CLEC2A: variants seen among roughly 807,000 people sequenced by gnomAD.
CLEC2A encodes the protein C-type lectin domain family 2 member A.
Under a neutral mutation model 18.6 loss-of-function variants are expected in CLEC2A, and 19 were observed. The ratio of observed to expected loss-of-function variants is 1.02; its 90% CI spans 0.71 to 1.50. The LOEUF is 1.50. Ranked by LOEUF, CLEC2A falls within the 40% of genes most tolerant of loss-of-function variation. The pLI is 0.00. For missense variants in CLEC2A, 190 were observed against 207.9 expected, an observed-to-expected ratio of 0.91 and a Z score of 0.53; for synonymous variants, 74 against 64.0, an observed-to-expected ratio of 1.16 and a Z score of -0.75.
chr12:9,882,526 C>T, the CLEC2A span, among the ~76,000 whole-genome samples: 1 of 152,064 alleles, frequency 6.6e-6, no homozygotes, highest in African/African-American at 2.4e-5. Context: ...GCCTGTAATC[C>T]CAGCACTTTG....
intron 4 of CLEC2A, among the ~76,000 whole-genome samples, chr12:9,899,209 G>A (rs148775535): frequency 0.03 from 4,548 of 152,036 alleles, 79 homozygotes; most frequent in South Asian, 0.054. Flanking sequence ...CTAGTTTAAC[G>A]TTTGGGAAAT....
chr12:9,920,262 A>C (rs1265537703), intron 3 of CLEC2A, among the ~76,000 whole-genome samples: 1 of 152,054 alleles, frequency 6.6e-6, no homozygotes, highest in Middle Eastern at 3.2e-3. Context: ...TCTTCGCTGG[A>C]GTTTCAACTA....
downstream of CLEC2A, among the ~76,000 whole-genome samples, chr12:9,894,045 T>C (rs546260873): frequency 6.6e-6 from 1 of 152,096 alleles, no homozygotes; most frequent in African/African-American, 2.4e-5. Context: ...TCTTTTTCTT[T>C]CTTTCTTTCT....
intron 3 of CLEC2A, among the ~76,000 whole-genome samples, chr12:9,918,490 T>G (rs192069622): frequency 1.3e-5 from 2 of 152,386 alleles, no homozygotes; most frequent in East Asian, 3.9e-4. Flanking sequence ...CATGCTGTTT[T>G]GGTTACTGTA....
chr12:9,921,502 G>T (rs1204561244), intron 3 of CLEC2A, among the ~76,000 whole-genome samples: 3 of 152,040 alleles, frequency 2.0e-5, no homozygotes, highest in Non-Finnish European at 4.4e-5. Flanking sequence ...TGGGAGGATT[G>T]CTTGATCCCA....
the CLEC2A span, among the ~76,000 whole-genome samples, chr12:9,882,642 A>G: frequency 6.6e-6 from 1 of 152,094 alleles, no homozygotes; most frequent in East Asian, 1.9e-4. Context: ...TTAGCTGGGT[A>G]TGGTGGCGTG....
At chr12:9,899,391 GAAGA>G (rs1469734287) in intron 4 of CLEC2A, among the ~76,000 whole-genome samples, 2 of 152,122 alleles carry the variant, frequency 1.3e-5, no homozygotes, top group Non-Finnish European at 1.5e-5. Flanking sequence ...GAACAGAGGA[GAAGA>G]AAGGAAAAAG....
At chr12:9,906,550 A>C (rs1862910608) in intron 4 of CLEC2A, among the ~76,000 whole-genome samples, 1 of 152,188 alleles carries the variant, frequency 6.6e-6, no homozygotes, top group African/African-American at 2.4e-5. Flanking sequence ...CGAAGGTATG[A>C]GCTACCTCAA....
chr12:9,923,229 T>G (rs1863203293), intron 2 of CLEC2A, among the ~76,000 whole-genome samples: 1 of 152,056 alleles, frequency 6.6e-6, no homozygotes, highest in Non-Finnish European at 1.5e-5. Flanking sequence ...CTTAAACAAA[T>G]TTACAAGAAA....
chr12:9,927,480 C>A (rs1016093733), intron 1 of CLEC2A, among the ~76,000 whole-genome samples: 8 of 152,020 alleles, frequency 5.3e-5, no homozygotes, highest in Non-Finnish European at 8.8e-5. Flanking sequence ...TATATGTATG[C>A]ATGCCTATAT....
At chr12:9,923,925 G>A (rs936708662) in intron 2 of CLEC2A, among the ~76,000 whole-genome samples, 6 of 151,532 alleles carry the variant, frequency 4.0e-5, no homozygotes, top group Admixed American at 2.0e-4. Flanking sequence ...TTGGGGTGAT[G>A]TTGGGGTTGG....
the CLEC2A span, chr12:9,881,469 C>T: frequency 1.6e-6 from 1 of 623,634 alleles, no homozygotes; most frequent in Admixed American, 2.8e-5. Flanking sequence ...TAAATTTTGA[C>T]TATTTTTGGC....
chr12:9,898,652 A>C, downstream of CLEC2A: 1 of 436,620 alleles, frequency 2.3e-6, no homozygotes, highest in Non-Finnish European at 4.1e-6. Context: ...TCCACTATGT[A>C]AATGAGGCAA....
At chr12:9,888,075 G>A in the CLEC2A span, among the ~76,000 whole-genome samples, 8 of 86,154 alleles carry the variant, frequency 9.3e-5, no homozygotes, top group African/African-American at 3.0e-4. Flanking sequence ...AAAAAAAAAA[G>A]TTAAGAATAG....
At chr12:9,884,040 A>G in the CLEC2A span, among the ~76,000 whole-genome samples, 1 of 152,166 alleles carries the variant, frequency 6.6e-6, no homozygotes, top group Non-Finnish European at 1.5e-5. Context: ...AACTGACTAA[A>G]ATGATTGTAG....
downstream of CLEC2A, among the ~76,000 whole-genome samples, chr12:9,897,808 G>A (rs541363480): frequency 8.5e-4 from 129 of 152,174 alleles, no homozygotes; most frequent in African/African-American, 3.0e-3. Context: ...ACACTTTTGG[G>A]GTGGGTCAGA....
Position 9,916,729 on chromosome 12 carries a change from T to G in CLEC2A, c.381A>C (p.Lys127Asn). The G allele has an allele frequency of 6.4e-7, 1 of 1,550,766 alleles. No individual in the cohort carries two copies. The highest frequency in any genetic ancestry group is 2.4e-5 in the East Asian group (1 of 40,880). ...CATTGAATGTGGTGCCATTTGTCCATTTCCAAGAATCTCCTTGTTTCCTGC... is the reference window on the plus strand; with the variant it reads ...CATTGAATGTGGTGCCATTTGTCCAGTTCCAAGAATCTCCTTGTTTCCTGC... ...GLSRKQGDSW[K>N]WTNGTTFNGW... The change falls in exon 4 of 5, where the codon AAA (lysine) becomes AAC (asparagine). Residue 127 changes from lysine to asparagine, a missense_variant. Transcript: ENST00000455827.
At chr12:9,913,978 C>T (rs1374184444) in intron 4 of CLEC2A, among the ~76,000 whole-genome samples, 3 of 152,168 alleles carry the variant, frequency 2.0e-5, no homozygotes, top group African/African-American at 7.2e-5. Context: ...ATTCTTCCTT[C>T]CTTCCTTGGT....
chr12:9,912,196 C>T (rs1862996815), downstream of CLEC2A, among the ~76,000 whole-genome samples: 3 of 152,144 alleles, frequency 2.0e-5, no homozygotes, highest in African/African-American at 7.2e-5. Flanking sequence ...GATGCTCCAC[C>T]AGGGGAAAAG....
Sources: allele counts gnomAD v4.1 joint callset (sites outside exome capture counted in the v4.1 genomes callset), GRCh38; gene constraint gnomAD v4.1.1; transcripts MANE v1.5; gene names NCBI Gene and HGNC (gene_info 2026-07-23, HGNC 2026-07-21).